Variants in EPSTI1 observed in about 807,000 individuals in gnomAD.
The protein encoded by EPSTI1 is epithelial-stromal interaction protein 1.
In EPSTI1, 66 loss-of-function variants were observed where a neutral mutation model predicts 49.9. The observed-to-expected ratio is 1.32, with a 90% CI of 1.08 to 1.62. EPSTI1 has a LOEUF of 1.62. Among genes scored for constraint, EPSTI1 ranks in the 40% most tolerant of loss-of-function variants. The pLI, the probability that EPSTI1 is intolerant of heterozygous loss-of-function variation, is 0.00. For missense variants in EPSTI1, 394 were observed against 365.5 expected, an observed-to-expected ratio of 1.08 and a Z score of -0.64; for synonymous variants, 137 against 130.7, an observed-to-expected ratio of 1.05 and a Z score of -0.33.
rs775933757 is a variant in EPSTI1 at position 42,888,457 on chromosome 13, G to A, written c.*37C>T. 6 of 1,613,912 alleles carry A rather than the reference G, an allele frequency of 3.7e-6. No homozygotes were observed. The highest frequency in any genetic ancestry group is 3.3e-5 in the Admixed American group (2 of 60,004). On this transcript the variant is annotated 3_prime_UTR_variant, in exon 11 of 11. Transcript: ENST00000313624. ...AAAGCATCTCATGAGGCTTTTCGAG[G>A]TCAGTTGATGAAGGCCAGATAGGAG...
chr13:42,936,595 T>C (rs1033881030), intron 6 of EPSTI1, among the ~76,000 whole-genome samples: 4 of 152,236 alleles, frequency 2.6e-5, no homozygotes, highest in Admixed American at 6.5e-5. Context: ...CTCTACATGA[T>C]AGAGCTCCTC....
At chr13:42,918,170 A>G (rs1456596758) in intron 7 of EPSTI1, among the ~76,000 whole-genome samples, 6 of 152,210 alleles carry the variant, frequency 3.9e-5, no homozygotes, top group African/African-American at 1.4e-4. Flanking sequence ...TCTGAAAAGG[A>G]AAACAAAGCC....
chr13:42,926,248 G>A (rs2038173071), intron 7 of EPSTI1, 88 bp downstream of exon 7: 1 of 822,078 alleles, frequency 1.2e-6, no homozygotes, highest in Non-Finnish European at 2.2e-6. Flanking sequence ...ATTCTATGAT[G>A]TACAAGTCAC....
chr13:42,961,404 T>C (rs575526758), intron 5 of EPSTI1, among the ~76,000 whole-genome samples: 14 of 152,324 alleles, frequency 9.2e-5, no homozygotes, highest in African/African-American at 3.1e-4. Context: ...ACAAGGAAGC[T>C]ACAGAACATC....
rs2038181467 is a variant in EPSTI1 at position 42,926,436 on chromosome 13, G to C, written c.564-7C>G. On this transcript the variant is annotated splice_polypyrimidine_tract_variant and splice_region_variant and intron_variant, in intron 6 of 10. Coordinates refer to ENST00000313624, the MANE Select transcript of EPSTI1 (RefSeq NM_033255.5). ...CAAGAACTCAGCGGTTTTGCTACCA[G>C]AAACACAAACAGGTGTTAGTGCCTT... The C allele has an allele frequency of 1.9e-6, 3 of 1,581,408 alleles. No individual in the cohort carries two copies. The African/African-American group carries it at 4.0e-5, about 21-fold the overall frequency.
intron 6 of EPSTI1, among the ~76,000 whole-genome samples, chr13:42,938,214 A>G (rs1301865498): frequency 6.6e-6 from 1 of 152,118 alleles, no homozygotes; most frequent in Non-Finnish European, 1.5e-5. Flanking sequence ...GAAATATGCT[A>G]ACTTTGAGAT....
chr13:42,910,631 A>G (rs1387663385), intron 8 of EPSTI1, among the ~76,000 whole-genome samples: 1 of 152,176 alleles, frequency 6.6e-6, no homozygotes, highest in African/African-American at 2.4e-5. Context: ...AATTGCTCCC[A>G]TGCATAAATA....
intron 1 of EPSTI1, 111 bp downstream of exon 1, chr13:42,991,867 T>A (rs2040200238): frequency 8.3e-7 from 1 of 1,200,216 alleles, no homozygotes; most frequent in Non-Finnish European, 1.2e-6. Context: ...TCAGTCAAAA[T>A]CCCTGTTGTT....
In EPSTI1 at chr13:42,887,742, A is replaced by G. The variant is rs985156555; in HGVS notation, c.*752T>C. 1 of 152,248 alleles carries G rather than the reference A, an allele frequency of 6.6e-6. No individual in the cohort carries two copies. Among genetic ancestry groups the G allele is most frequent in the African/African-American group, 2.4e-5 (1 of 41,444 alleles). 9.4% of individuals were successfully genotyped at this position (152,248 alleles called of 1,614,324 possible). On this transcript the variant is annotated 3_prime_UTR_variant, in exon 11 of 11. Coordinates refer to ENST00000313624, the MANE Select transcript of EPSTI1 (RefSeq NM_033255.5). ...AAACAAGTTTCTGAAACATGTACAA[A>G]CTACATATGATGTCTATATTTGTGT...
intron 3 of EPSTI1, among the ~76,000 whole-genome samples, chr13:42,966,690 G>A (rs1422086288): frequency 1.2e-5 from 1 of 83,272 alleles, no homozygotes; most frequent in Non-Finnish European, 2.7e-5. Flanking sequence ...CGGGAGGGAG[G>A]TGGGGGGGTC....
intron 5 of EPSTI1, among the ~76,000 whole-genome samples, chr13:42,956,925 A>C (rs1352882004): frequency 6.6e-6 from 1 of 152,194 alleles, no homozygotes; most frequent in East Asian, 1.9e-4. Context: ...TATGAAACCC[A>C]ACAGTAAGCC....
chr13:42,908,386 TGA>T (rs764139893), intron 8 of EPSTI1, among the ~76,000 whole-genome samples: 2 of 149,692 alleles, frequency 1.3e-5, no homozygotes, highest in Non-Finnish European at 3.0e-5. Context: ...CTTGGGAGGC[TGA>T]GTCATGAGAA....
chr13:42,942,240 G>T (rs1001523726), intron 6 of EPSTI1, among the ~76,000 whole-genome samples: 3 of 151,984 alleles, frequency 2.0e-5, no homozygotes, highest in African/African-American at 7.3e-5. Context: ...AGCTAGATTT[G>T]TATTTTTCTA....
At chr13:42,968,565 G>A (rs896572666) in intron 3 of EPSTI1, among the ~76,000 whole-genome samples, 1 of 152,038 alleles carries the variant, frequency 6.6e-6, no homozygotes, top group East Asian at 1.9e-4. Context: ...CATCACACTG[G>A]CAGCACCTGC....
Position 42,888,399 on chromosome 13 carries a change from A to C in EPSTI1, c.*95T>G, listed in dbSNP as rs1019958937. ...GTGTGGGCAGTTGAAATTAAGGTAA[A>C]AACAGTGAGGCTGAACAAAATCACA... On this transcript the variant is annotated 3_prime_UTR_variant, in exon 11 of 11. Coordinates refer to ENST00000313624, the MANE Select transcript of EPSTI1 (RefSeq NM_033255.5). 3.7e-6 allele frequency: 6 copies of C among 1,614,168 alleles called. No individual in the cohort carries two copies. Among genetic ancestry groups the C allele is most frequent in the Non-Finnish European group, 5.1e-6 (6 of 1,180,026 alleles).
At chr13:42,914,786 C>T (rs1169218239) in intron 8 of EPSTI1, among the ~76,000 whole-genome samples, 1 of 152,162 alleles carries the variant, frequency 6.6e-6, no homozygotes, top group African/African-American at 2.4e-5. Context: ...TCATCTTCTT[C>T]ATGACCTACT....
intron 6 of EPSTI1, among the ~76,000 whole-genome samples, chr13:42,936,739 C>T (rs2038577043): frequency 6.6e-6 from 1 of 152,174 alleles, no homozygotes; most frequent in South Asian, 2.1e-4. Context: ...TCAGTGAGAC[C>T]AAATTCGTGT....
intron 6 of EPSTI1, among the ~76,000 whole-genome samples, chr13:42,932,662 G>A (rs1396955481): frequency 6.6e-6 from 1 of 150,998 alleles, no homozygotes; most frequent in Non-Finnish European, 1.5e-5. Context: ...AATTTACATA[G>A]GCTAAAATCA....
chr13:42,988,870 A>G (rs1021667552), intron 1 of EPSTI1, among the ~76,000 whole-genome samples: 1 of 91,946 alleles, frequency 1.1e-5, no homozygotes, highest in African/African-American at 3.3e-5. Flanking sequence ...TTATTTATTT[A>G]TTTATTTGAG....
Sources: allele counts gnomAD v4.1 joint callset (sites outside exome capture counted in the v4.1 genomes callset), GRCh38; gene constraint gnomAD v4.1.1; transcripts MANE v1.5; gene names NCBI Gene and HGNC (gene_info 2026-07-23, HGNC 2026-07-21).